The following APBA2 variants were observed in gnomAD, a reference collection of about 807,000 sequenced individuals.
APBA2 encodes the protein amyloid-beta A4 precursor protein-binding family A member 2.
Under a neutral mutation model 75.0 loss-of-function variants are expected in APBA2, and 30 were observed. The observed-to-expected ratio is 0.40, with a 90% CI of 0.30 to 0.54. APBA2 has a LOEUF of 0.54. APBA2 is among the 20% of genes least tolerant of loss of function. APBA2 has a pLI of 0.49. For synonymous variants in APBA2, 444 were observed against 409.6 expected, an observed-to-expected ratio of 1.08 and a Z score of -1.01; for missense variants, 801 against 1,016.1, an observed-to-expected ratio of 0.79 and a Z score of 2.88.
At chr15:28,926,391 A>G (rs1445619662) in intron 2 of APBA2, among the ~76,000 whole-genome samples, 3 of 152,210 alleles carry the variant, frequency 2.0e-5, no homozygotes, top group Non-Finnish European at 2.9e-5. Context: ...CCACCTTCAA[A>G]TAACACTATA....
intron 6 of APBA2, among the ~76,000 whole-genome samples, chr15:29,080,580 A>C (rs2043044284): frequency 6.6e-6 from 1 of 152,078 alleles, no homozygotes; most frequent in African/African-American, 2.4e-5. Context: ...CCTCCTTATG[A>C]AAGTGCGGAT....
chr15:28,988,791 T>C (rs1193501125), intron 2 of APBA2, among the ~76,000 whole-genome samples: 1 of 152,214 alleles, frequency 6.6e-6, no homozygotes, highest in Non-Finnish European at 1.5e-5. Flanking sequence ...GAGCTGGATT[T>C]GTCAGTATAT....
chr15:29,044,479 T>C (rs1005518313), intron 3 of APBA2: 3 of 152,150 alleles, frequency 2.0e-5, no homozygotes, highest in Non-Finnish European at 2.9e-5. Context: ...TGGTGTGTTG[T>C]ACAGGATTTA....
intron 2 of APBA2, among the ~76,000 whole-genome samples, chr15:28,948,637 G>A (rs1351071592): frequency 6.6e-6 from 1 of 152,268 alleles, no homozygotes; most frequent in East Asian, 1.9e-4. Flanking sequence ...TTCTTCTGTC[G>A]TGTTCTGTCT....
chr15:28,985,024 C>G (rs2037845556), intron 2 of APBA2, among the ~76,000 whole-genome samples: 1 of 152,198 alleles, frequency 6.6e-6, no homozygotes, highest in Non-Finnish European at 1.5e-5. Flanking sequence ...GGTGCTCCCT[C>G]TGCCTCAGTG....
intron 3 of APBA2, chr15:29,044,491 CT>C (rs1266295615): frequency 6.6e-6 from 1 of 152,082 alleles, no homozygotes; most frequent in Non-Finnish European, 1.5e-5. Context: ...CAGGATTTAT[CT>C]TTAATATGAT....
At chr15:29,017,763 C>G (rs2039749362) in intron 3 of APBA2, among the ~76,000 whole-genome samples, 1 of 152,156 alleles carries the variant, frequency 6.6e-6, no homozygotes, top group Non-Finnish European at 1.5e-5. Flanking sequence ...TACTTTGGCT[C>G]TCTGAGGGCT....
chr15:28,955,899 G>A (rs2036142624), intron 2 of APBA2, among the ~76,000 whole-genome samples: 1 of 152,208 alleles, frequency 6.6e-6, no homozygotes, highest in African/African-American at 2.4e-5. Flanking sequence ...GCCCTCGGTT[G>A]CTTGCTCCTG....
intron 4 of APBA2, among the ~76,000 whole-genome samples, chr15:29,057,650 A>G (rs1037231493): frequency 1.3e-5 from 2 of 152,218 alleles, no homozygotes; most frequent in Non-Finnish European, 2.9e-5. Flanking sequence ...CCATGTCACC[A>G]TATAATTTTC....
rs2041322684 is a variant in APBA2, at chr15:29,046,240, AATC to A, written c.-40-7604_-40-7602del. Among the ~76,000 whole-genome samples the A allele has an allele frequency of 6.6e-6, 1 of 152,222 alleles. No individual in the cohort carries two copies. Among genetic ancestry groups the A allele is most frequent in the African/African-American group, 2.4e-5 (1 of 41,458 alleles). On this transcript the variant is annotated intron_variant, in intron 3 of 14. Coordinates refer to ENST00000683413, the MANE Select transcript of APBA2 (RefSeq NM_001353788.2). This position sits in a 1 kb window ranked among gnomAD's most constrained non-coding sequence, Gnocchi z 5.0. ...TTAGTGAACTCAATGAGATACCAGA[AATC>A]CAGTAGGAGAACACTTTCTTTGAAA...
chr15:29,080,243 C>A (rs1410804716), intron 6 of APBA2, among the ~76,000 whole-genome samples: 3 of 152,152 alleles, frequency 2.0e-5, no homozygotes, highest in Non-Finnish European at 4.4e-5. Context: ...GAATCCCGGG[C>A]CGAAGGTCAC....
chr15:29,068,603 G>A (rs2042481580), intron 4 of APBA2, among the ~76,000 whole-genome samples: 1 of 152,194 alleles, frequency 6.6e-6, no homozygotes, highest in East Asian at 1.9e-4. Flanking sequence ...ATGGCACCTG[G>A]TATGTGAGGC....
chr15:29,036,220 C>CAT (rs146943248), intron 3 of APBA2, among the ~76,000 whole-genome samples: 8,805 of 151,160 alleles, frequency 0.058, 865 homozygotes, highest in African/African-American at 0.2. Flanking sequence ...GGCCTGAATA[C>CAT]ATATATATAT....
intron 2 of APBA2, among the ~76,000 whole-genome samples, chr15:28,965,581 T>A (rs1367796747): frequency 6.6e-6 from 1 of 152,242 alleles, no homozygotes; most frequent in Non-Finnish European, 1.5e-5. Flanking sequence ...CTTTTAACTA[T>A]GTTGAGCGTT....
At chr15:28,995,197 T>G (rs1485127485) in intron 2 of APBA2, among the ~76,000 whole-genome samples, 1 of 152,126 alleles carries the variant, frequency 6.6e-6, no homozygotes, top group African/African-American at 2.4e-5. Context: ...CTTCCTCTAT[T>G]CAGGGAAGTC....
At chr15:29,059,321 G>C (rs1343013481) in intron 4 of APBA2, among the ~76,000 whole-genome samples, 1 of 152,176 alleles carries the variant, frequency 6.6e-6, no homozygotes, top group African/African-American at 2.4e-5. Flanking sequence ...ACATGTGCTA[G>C]AGAAGCTTCC....
At position 29,068,975 on chromosome 15, in the gene APBA2, C is replaced by G. The variant is rs148332312; in HGVS notation, c.952-5946C>G. Among the ~76,000 whole-genome samples the G allele has an allele frequency of 1.3e-3, 195 of 152,234 alleles. 1 individual carries two copies. Among genetic ancestry groups the G allele is most frequent in the African/African-American group, 4.5e-3 (188 of 41,548 alleles). ...TTTAGTTCCAGAACATTTTCGCTGC[C>G]CCCAGAGGAGACCCTGTATTTATTA... On this transcript the variant is annotated intron_variant, in intron 4 of 14. Coordinates refer to ENST00000683413, the MANE Select transcript of APBA2 (RefSeq NM_001353788.2).
chr15:28,891,996 A>T (rs1175146015), intron 1 of APBA2, among the ~76,000 whole-genome samples: 9 of 152,112 alleles, frequency 5.9e-5, no homozygotes, highest in Admixed American at 2.0e-4. Context: ...GTACAGATGG[A>T]CTCACCCAGA....
intron 2 of APBA2, among the ~76,000 whole-genome samples, chr15:28,971,894 G>T (rs2037089037): frequency 6.6e-6 from 1 of 152,218 alleles, no homozygotes; most frequent in African/African-American, 2.4e-5. Flanking sequence ...CAATATTACT[G>T]TAAGAAAAAG....
Sources: gnomAD v4.1 joint callset for allele counts (sites outside exome capture counted in the v4.1 genomes callset) on GRCh38, gnomAD v4.1.1 for gene constraint, Gnocchi (gnomAD v3.1) non-coding constraint, MANE v1.5 for transcripts, NCBI Gene and HGNC (gene_info 2026-07-23, HGNC 2026-07-21) for gene names.